DYNC1I1: variants seen among roughly 807,000 people sequenced by gnomAD.
DYNC1I1 encodes dynein cytoplasmic 1 intermediate chain 1.
A neutral mutation model predicts 86.6 loss-of-function variants in DYNC1I1; 43 were observed. That is an observed-to-expected ratio of 0.50 (90% CI 0.39 to 0.64). The LOEUF (loss-of-function observed/expected upper bound fraction) is 0.64. DYNC1I1 is among the 30% of genes least tolerant of loss of function. The pLI is 0.00. For synonymous variants in DYNC1I1, 262 were observed against 283.7 expected, an observed-to-expected ratio of 0.92 and a Z score of 0.77; for missense variants, 604 against 788.8, an observed-to-expected ratio of 0.77 and a Z score of 2.81.
At chr7:95,851,962 C>A (rs1002518634) in intron 5 of DYNC1I1, among the ~76,000 whole-genome samples, 3 of 152,148 alleles carry the variant, frequency 2.0e-5, no homozygotes, top group Non-Finnish European at 2.9e-5. Flanking sequence ...CCATGCCCAG[C>A]CAGTTTTCTT....
At chr7:95,802,905 A>G (rs1360115803) in intron 1 of DYNC1I1, 1 of 152,100 alleles carries the variant, frequency 6.6e-6, no homozygotes, top group Non-Finnish European at 1.5e-5. Context: ...ACACATCCAA[A>G]TATGCCCTTC....
At chr7:95,877,274 G>A (rs1003158826) in intron 6 of DYNC1I1, among the ~76,000 whole-genome samples, 3 of 152,148 alleles carry the variant, frequency 2.0e-5, no homozygotes, top group Non-Finnish European at 4.4e-5. Context: ...CTTGAGGGAT[G>A]GAGATTTTAC....
At chr7:95,948,026 G>C (rs1487725778) in intron 6 of DYNC1I1, among the ~76,000 whole-genome samples, 1 of 131,268 alleles carries the variant, frequency 7.6e-6, no homozygotes, top group Non-Finnish European at 1.6e-5. Context: ...AAGGGGCTAA[G>C]TTCTATTTTG....
intron 6 of DYNC1I1, among the ~76,000 whole-genome samples, chr7:95,921,271 T>G (rs919088631): frequency 4.6e-5 from 7 of 152,184 alleles, no homozygotes; most frequent in Admixed American, 1.3e-4. Flanking sequence ...CCTATCAAGA[T>G]TTTGGGGGCT....
chr7:96,108,672 G>T (rs1791257237), intron 16 of DYNC1I1, among the ~76,000 whole-genome samples: 1 of 151,862 alleles, frequency 6.6e-6, no homozygotes, highest in South Asian at 2.1e-4. Flanking sequence ...GACCAGCCTG[G>T]CCAAGATGGT....
intron 16 of DYNC1I1, among the ~76,000 whole-genome samples, chr7:96,086,933 C>T (rs1442612762): frequency 6.6e-6 from 1 of 151,964 alleles, no homozygotes; most frequent in Non-Finnish European, 1.5e-5. Flanking sequence ...AGTTTCATAG[C>T]CAGCAAGAAT....
chr7:95,804,227 A>G (rs1047909169), intron 1 of DYNC1I1: 3 of 309,772 alleles, frequency 9.7e-6, no homozygotes, highest in African/African-American at 4.5e-5. Flanking sequence ...TGAAATCTCC[A>G]TGCATCCGAG....
chr7:95,898,281 T>A (rs983898051), intron 6 of DYNC1I1, among the ~76,000 whole-genome samples: 4 of 152,184 alleles, frequency 2.6e-5, no homozygotes, highest in Admixed American at 2.6e-4. Flanking sequence ...ATTTAGGAAA[T>A]CCCGTAGAGT....
At chr7:95,832,258 G>A (rs1218484627) in intron 5 of DYNC1I1, among the ~76,000 whole-genome samples, 2 of 140,056 alleles carry the variant, frequency 1.4e-5, no homozygotes, top group Non-Finnish European at 3.0e-5. Flanking sequence ...TGAGAATGAT[G>A]ATTTCCAATT....
In DYNC1I1 at chr7:96,058,042, T is replaced by C. The variant is rs1401538056; in HGVS notation, c.1510-18015T>C. ...CACCTTTTTTTCACTCCATTGATCTTTCCTCTTCTGTCCAATCAAATGTAC... is the reference window on the plus strand; with the variant it reads ...CACCTTTTTTTCACTCCATTGATCTCTCCTCTTCTGTCCAATCAAATGTAC... On this transcript the variant is annotated intron_variant, in intron 14 of 16. Coordinates refer to ENST00000447467, the MANE Select transcript of DYNC1I1 (RefSeq NM_001135556.2). Among the ~76,000 whole-genome samples, 4 of 152,276 alleles carry C rather than the reference T, an allele frequency of 2.6e-5. No individual in the cohort carries two copies. In the East Asian group the frequency reaches 7.7e-4, roughly 29 times the overall value.
At chr7:95,850,452 A>G (rs899107080) in intron 5 of DYNC1I1, among the ~76,000 whole-genome samples, 4 of 152,128 alleles carry the variant, frequency 2.6e-5, no homozygotes, top group Admixed American at 6.5e-5. Flanking sequence ...TTTTGCATCT[A>G]TTGAAATGAT....
At chr7:96,101,962 A>G (rs1187017260), downstream of DYNC1I1, among the ~76,000 whole-genome samples, 1 of 152,072 alleles carries the variant, frequency 6.6e-6, no homozygotes, top group Non-Finnish European at 1.5e-5. Context: ...ATAACCCAGT[A>G]TGCCCCCTTT....
In DYNC1I1 at chr7:96,098,078, C is replaced by T. The variant is rs1791069501; in HGVS notation, c.*485C>T. 4.0e-6 allele frequency: 4 copies of T among 988,400 alleles called. No individual in the cohort carries two copies. Among genetic ancestry groups the T allele is most frequent in the African/African-American group, 1.7e-5 (1 of 57,256 alleles). The allele number at this position is 988,400 out of a possible 1,614,324, so 61.2% of individuals were successfully genotyped here. A position where few individuals can be genotyped will look rare whatever the true frequency, so the allele number is the denominator to read the frequency against. ...ATTTACTAGAAGAACATTGCTGCTCCTTATTTATTGTAGTGTGCTGCATGG... is the reference window on the plus strand; with the variant it reads ...ATTTACTAGAAGAACATTGCTGCTCTTTATTTATTGTAGTGTGCTGCATGG... On this transcript the variant is annotated 3_prime_UTR_variant, in exon 17 of 17. Transcript: ENST00000447467.
chr7:96,039,022 A>G (rs191751481), intron 13 of DYNC1I1, among the ~76,000 whole-genome samples: 254 of 152,326 alleles, frequency 1.7e-3, no homozygotes, highest in Non-Finnish European at 2.3e-3. Flanking sequence ...ATTAAATAAT[A>G]AATATTGATA....
intron 7 of DYNC1I1, 80 bp downstream of exon 7, chr7:95,977,681 C>A: frequency 1.5e-6 from 2 of 1,335,664 alleles, no homozygotes; most frequent in East Asian, 2.5e-5. Context: ...GACTATAGAG[C>A]TAAGTAAAAA....
rs559891726 is a variant in DYNC1I1, at chr7:95,898,579, A to G, written c.490+28581A>G. On this transcript the variant is annotated intron_variant, in intron 6 of 16. Coordinates refer to ENST00000447467, the MANE Select transcript of DYNC1I1 (RefSeq NM_001135556.2). ...CTACAAAAATTCAGACGTGGGTAAA[A>G]TAGTAGGCAGTGGAAAGATCTAAAT... 2.0e-5 allele frequency among the ~76,000 whole-genome samples: 3 copies of G among 152,338 alleles called. No individual in the cohort carries two copies. In the East Asian group the frequency reaches 5.8e-4, roughly 29 times the overall value.
At chr7:95,852,935 T>A (rs1383593902) in intron 5 of DYNC1I1, among the ~76,000 whole-genome samples, 2 of 152,220 alleles carry the variant, frequency 1.3e-5, no homozygotes, top group Admixed American at 6.5e-5. Flanking sequence ...TGCTATAAAC[T>A]TTTATTCCAT....
intron 16 of DYNC1I1, among the ~76,000 whole-genome samples, chr7:96,084,773 C>T (rs3819447): frequency 0.034 from 5,197 of 152,160 alleles, 254 homozygotes; most frequent in East Asian, 0.23. Flanking sequence ...AGAAGGGCCA[C>T]GACTCTACAT....
intron 15 of DYNC1I1, among the ~76,000 whole-genome samples, chr7:96,078,680 T>G (rs1298262829): frequency 1.3e-5 from 2 of 152,190 alleles, no homozygotes; most frequent in African/African-American, 4.8e-5. Flanking sequence ...ATTAAACATT[T>G]TATTCTATTT....
Sources: allele counts gnomAD v4.1 joint callset (sites outside exome capture counted in the v4.1 genomes callset), GRCh38; gene constraint gnomAD v4.1.1; transcripts MANE v1.5; gene names NCBI Gene and HGNC (gene_info 2026-07-23, HGNC 2026-07-21).